Variants in LARGE1 observed in about 807,000 individuals in gnomAD.
LARGE1 encodes the protein xylosyl- and glucuronyltransferase LARGE1.
Under a neutral mutation model 87.6 loss-of-function variants are expected in LARGE1, and 43 were observed. That is an observed-to-expected ratio of 0.49 (90% CI 0.38 to 0.63). The LOEUF is 0.63. LARGE1 is among the 30% of genes least tolerant of loss of function. LARGE1 has a pLI of 0.00. For missense variants in LARGE1, 802 were observed against 1,000.2 expected, an observed-to-expected ratio of 0.80 and a Z score of 2.67; for synonymous variants, 434 against 394.6, an observed-to-expected ratio of 1.10 and a Z score of -1.18.
At chr22:33,665,249 C>T (rs1260376580) in intron 2 of LARGE1, among the ~76,000 whole-genome samples, 2 of 152,228 alleles carry the variant, frequency 1.3e-5, no homozygotes, top group Non-Finnish European at 2.9e-5. Flanking sequence ...TCACAACACT[C>T]TCCTCAAGTA....
chr22:33,904,627 AC>A (rs1477472432), intron 1 of LARGE1, among the ~76,000 whole-genome samples: 1 of 152,210 alleles, frequency 6.6e-6, no homozygotes, highest in East Asian at 1.9e-4. Flanking sequence ...AGAGTCGGTG[AC>A]GCTGTTCGAG....
chr22:33,695,249 G>A (rs766326000), intron 2 of LARGE1, among the ~76,000 whole-genome samples: 7 of 151,064 alleles, frequency 4.6e-5, no homozygotes, highest in Non-Finnish European at 7.4e-5. Flanking sequence ...GATTACAGGC[G>A]CACGCCACCA....
chr22:33,806,663 A>G (rs1384898476), intron 1 of LARGE1, among the ~76,000 whole-genome samples: 3 of 152,174 alleles, frequency 2.0e-5, no homozygotes, highest in Admixed American at 1.3e-4. Flanking sequence ...CAGTGATGCA[A>G]TGATGCCAGC....
intron 11 of LARGE1, among the ~76,000 whole-genome samples, chr22:33,231,099 A>C (rs1017890821): frequency 2.0e-5 from 3 of 152,332 alleles, no homozygotes; most frequent in African/African-American, 7.2e-5. Flanking sequence ...TGATTTGTTG[A>C]CTGTTTTAAT....
Position 33,900,182 on chromosome 22 carries a change from T to C in LARGE1, c.-83+19813A>G, listed in dbSNP as rs11914027. Among the ~76,000 whole-genome samples, 1,397 of 152,294 alleles carry C rather than the reference T, an allele frequency of 9.2e-3. 37 individuals carry two copies. The highest frequency in any genetic ancestry group is 0.032 in the African/African-American group (1,330 of 41,564). On this transcript the variant is annotated intron_variant, in intron 1 of 14. Coordinates refer to ENST00000397394, the MANE Select transcript of LARGE1 (RefSeq NM_133642.5). ...TATCTCAGGATTTACACTCAAATTG[T>C]ACCACAGGGCAGCAGTCACTGGCCT... is the stretch of plus-strand genomic sequence containing the variant.
At chr22:33,162,290 T>C (rs1922056566) in exon 12 of LARGE1, 1 of 151,876 alleles carries the variant, frequency 6.6e-6, no homozygotes, top group African/African-American at 2.4e-5. Flanking sequence ...CCTCAGGAAA[T>C]TTACAATTAT....
chr22:33,441,865 T>C (rs1431484499), intron 6 of LARGE1, among the ~76,000 whole-genome samples: 2 of 152,224 alleles, frequency 1.3e-5, no homozygotes, highest in Admixed American at 1.3e-4. Context: ...CAGGTTTATA[T>C]TGCATGTCCT....
intron 1 of LARGE1, among the ~76,000 whole-genome samples, chr22:33,847,694 C>T (rs539348842): frequency 6.6e-6 from 1 of 152,336 alleles, no homozygotes; most frequent in South Asian, 2.1e-4. Flanking sequence ...ACACGATAGA[C>T]TCAAGTCTTC....
chr22:33,120,402 C>CTTTCT, the LARGE1 span, among the ~76,000 whole-genome samples: 2 of 92,624 alleles, frequency 2.2e-5, no homozygotes, highest in Non-Finnish European at 4.1e-5. Context: ...TTCTTTCTTT[C>CTTTCT]TTTCTTTCCT....
chr22:33,376,927 T>A (rs182977944), intron 9 of LARGE1, among the ~76,000 whole-genome samples: 3 of 152,274 alleles, frequency 2.0e-5, no homozygotes, highest in East Asian at 3.9e-4. Context: ...ATTGCTCAAA[T>A]GTGGTTAAAA....
At chr22:33,155,948 C>A in the LARGE1 span, among the ~76,000 whole-genome samples, 1 of 138,094 alleles carries the variant, frequency 7.2e-6, no homozygotes, top group Admixed American at 7.3e-5. Context: ...CGGGCTGTTG[C>A]TTCAGAGGGT....
intron 6 of LARGE1, among the ~76,000 whole-genome samples, chr22:33,538,699 T>G (rs1290344110): frequency 6.6e-6 from 1 of 152,110 alleles, no homozygotes; most frequent in East Asian, 1.9e-4. Context: ...GCCACCATGC[T>G]TGGCACGGCC....
chr22:33,526,344 C>T (rs2071893097), intron 6 of LARGE1, among the ~76,000 whole-genome samples: 2 of 152,164 alleles, frequency 1.3e-5, no homozygotes, highest in Admixed American at 6.5e-5. Flanking sequence ...TTAAAGAGGC[C>T]TGTTTTCGCC....
intron 1 of LARGE1, among the ~76,000 whole-genome samples, chr22:33,808,379 C>T (rs2086381192): frequency 1.3e-5 from 2 of 152,158 alleles, no homozygotes; most frequent in Non-Finnish European, 2.9e-5. Flanking sequence ...TCATCCAACT[C>T]CTTATGGGGA....
At chr22:33,134,242 C>G in the LARGE1 span, among the ~76,000 whole-genome samples, 5 of 149,286 alleles carry the variant, frequency 3.3e-5, no homozygotes, top group African/African-American at 1.2e-4. Flanking sequence ...AGTCTGCACT[C>G]ACAAAGAACT....
At chr22:33,204,794 C>A (rs1924595417) in intron 11 of LARGE1, among the ~76,000 whole-genome samples, 1 of 152,048 alleles carries the variant, frequency 6.6e-6, no homozygotes, top group South Asian at 2.1e-4. Flanking sequence ...TGCCTTAATT[C>A]CAGCATTTTT....
At chr22:33,299,509 A>G (rs181651351) in intron 12 of LARGE1, among the ~76,000 whole-genome samples, 26 of 152,258 alleles carry the variant, frequency 1.7e-4, no homozygotes, top group Non-Finnish European at 2.9e-4. Flanking sequence ...AAGCAAAAAA[A>G]TTGAGATGGT....
intron 6 of LARGE1, among the ~76,000 whole-genome samples, chr22:33,495,734 G>C (rs1162422080): frequency 6.6e-6 from 1 of 151,934 alleles, no homozygotes; most frequent in African/African-American, 2.4e-5. Flanking sequence ...AAACAAAACA[G>C]AACAAAACAA....
At chr22:33,146,230 G>A in the LARGE1 span, among the ~76,000 whole-genome samples, 1 of 152,150 alleles carries the variant, frequency 6.6e-6, no homozygotes, top group African/African-American at 2.4e-5. Context: ...GAGACAGAAG[G>A]TCAAAGATAG....
Sources: gnomAD v4.1 joint callset for allele counts (sites outside exome capture counted in the v4.1 genomes callset) on GRCh38, gnomAD v4.1.1 for gene constraint, MANE v1.5 for transcripts, NCBI Gene and HGNC (gene_info 2026-07-23, HGNC 2026-07-21) for gene names.